ZNF324B: variants seen among roughly 807,000 people sequenced by gnomAD.
ZNF324B encodes the protein zinc finger protein 324B.
A neutral mutation model predicts 10.6 loss-of-function variants in ZNF324B; 7 were observed. The ratio of observed to expected loss-of-function variants is 0.66; its 90% CI spans 0.38 to 1.24. The LOEUF (loss-of-function observed/expected upper bound fraction) is 1.24, where lower values mean the gene tolerates loss of function less well. Among genes scored for constraint, ZNF324B ranks in the 50% most tolerant of loss-of-function variants. The pLI is 0.02. For missense variants in ZNF324B, 640 were observed against 764.7 expected, an observed-to-expected ratio of 0.84 and a Z score of 1.92; for synonymous variants, 316 against 321.0, an observed-to-expected ratio of 0.98 and a Z score of 0.17.
chr19:58,435,987 TC>T, the ZNF324B span, among the ~76,000 whole-genome samples: 3 of 152,368 alleles, frequency 2.0e-5, no homozygotes, highest in East Asian at 1.9e-4. Context: ...CTGTAGTCTT[TC>T]TATACACTGG....
the ZNF324B span, among the ~76,000 whole-genome samples, chr19:58,426,826 A>G: frequency 2.0e-5 from 3 of 152,236 alleles, no homozygotes; most frequent in Non-Finnish European, 2.9e-5. Context: ...CAGAGTGTAC[A>G]ATAACAGGGT....
upstream of ZNF324B, among the ~76,000 whole-genome samples, chr19:58,448,800 T>G (rs2052838473): frequency 6.6e-6 from 1 of 152,096 alleles, no homozygotes; most frequent in African/African-American, 2.4e-5. Context: ...AGAGGTGACT[T>G]TGATATTATT....
At chr19:58,420,246 G>A in the ZNF324B span, among the ~76,000 whole-genome samples, 121 of 152,156 alleles carry the variant, frequency 8.0e-4, 4 homozygotes, top group East Asian at 0.016. Context: ...GTGAAACCCC[G>A]TCTCTACTAA....
chr19:58,432,667 A>G, the ZNF324B span: 4 of 186,666 alleles, frequency 2.1e-5, no homozygotes, highest in African/African-American at 9.5e-5. Context: ...TCTTTCACAC[A>G]GCAATGCAAA....
chr19:58,424,960 G>A, the ZNF324B span, among the ~76,000 whole-genome samples: 1 of 152,230 alleles, frequency 6.6e-6, no homozygotes, highest in East Asian at 1.9e-4. Context: ...ATAGTCAAAA[G>A]TTAGAAACAA....
chr19:58,438,896 A>C, the ZNF324B span, among the ~76,000 whole-genome samples: 1 of 151,614 alleles, frequency 6.6e-6, no homozygotes, highest in African/African-American at 2.4e-5. Flanking sequence ...TCAGTTTCCC[A>C]AGTTGCTGGG....
At chr19:58,445,823 AAAAC>A in the ZNF324B span, 661 of 209,282 alleles carry the variant, frequency 3.2e-3, 3 homozygotes, top group African/African-American at 0.01. Flanking sequence ...TCCCTCACCA[AAAAC>A]AAACAAACAA....
the ZNF324B span, chr19:58,443,374 G>C: frequency 6.6e-6 from 1 of 152,256 alleles, no homozygotes; most frequent in Admixed American, 6.5e-5. Context: ...CAGAAGCCCA[G>C]CCGGCTTCAC....
At position 58,456,111 on chromosome 19, in the gene ZNF324B, T is replaced by C; in HGVS notation, c.1167T>C (p.Arg389=). 1.9e-6 allele frequency: 3 copies of C among 1,613,174 alleles called. No homozygotes were observed. The highest frequency in any genetic ancestry group is 2.5e-6 in the Non-Finnish European group (3 of 1,179,904). The part of the protein sequence containing the change: ...CRNSHLIQHE[R]THTGEKPFVC... ...ACTCGCACCTGATCCAGCACGAGCG[T>C]ACGCACACAGGCGAGAAGCCCTTCG... The change falls in exon 4 of 4, where the codon CGT becomes CGC. Residue 389 remains arginine, a synonymous_variant. Coordinates refer to ENST00000336614, the MANE Select transcript of ZNF324B (RefSeq NM_207395.3). The surrounding 1 kb of genome is among the most constrained non-coding windows in gnomAD (Gnocchi z 4.7).
the ZNF324B span, chr19:58,433,501 ACT>A: frequency 6.2e-7 from 1 of 1,613,770 alleles, no homozygotes; most frequent in Non-Finnish European, 8.5e-7. Context: ...TTGTGTGTGA[ACT>A]CTCTGATGAC....
the ZNF324B span, chr19:58,435,655 C>G: frequency 6.2e-6 from 1 of 160,314 alleles, no homozygotes; most frequent in East Asian, 1.9e-4. Flanking sequence ...ACACTGCAGA[C>G]AGGGATGTAA....
intron 1 of ZNF324B, among the ~76,000 whole-genome samples, chr19:58,451,950 T>C (rs970952205): frequency 2.8e-4 from 42 of 152,254 alleles, no homozygotes; most frequent in South Asian, 2.1e-3. Context: ...TCCCTCCCAG[T>C]TGCGGGTTCC....
At chr19:58,433,643 A>G in the ZNF324B span, 1 of 1,614,158 alleles carries the variant, frequency 6.2e-7, no homozygotes, top group Non-Finnish European at 8.5e-7. Context: ...CATTCACTGC[A>G]TTTATAAGGC....
intron 1 of ZNF324B, 197 bp downstream of exon 1, chr19:58,451,901 C>G (rs1280928627): frequency 3.9e-6 from 1 of 256,274 alleles, no homozygotes; most frequent in African/African-American, 2.4e-5. Context: ...CGGGAGGCTG[C>G]TGGCGGGGAT....
the ZNF324B span, chr19:58,433,132 C>T: frequency 3.1e-6 from 2 of 638,852 alleles, no homozygotes; most frequent in East Asian, 5.5e-5. Context: ...GTGACTATGG[C>T]TTCTGCCTTA....
At chr19:58,441,948 G>A in the ZNF324B span, 1 of 152,196 alleles carries the variant, frequency 6.6e-6, no homozygotes, top group Admixed American at 6.6e-5. Context: ...TTGTACTCCA[G>A]TGCCCACTAG....
the ZNF324B span, among the ~76,000 whole-genome samples, chr19:58,427,311 C>CTTTCTTTCTTTCT: frequency 1.3e-5 from 1 of 76,320 alleles, no homozygotes; most frequent in African/African-American, 9.5e-5. Context: ...TTCTTTCTTT[C>CTTTCTTTCTTTCT]TTTCTTTCTT....
chr19:58,427,460 T>TCCTG, the ZNF324B span, among the ~76,000 whole-genome samples: 7 of 90,954 alleles, frequency 7.7e-5, no homozygotes, highest in African/African-American at 3.3e-4. Context: ...TTCCCTTCCT[T>TCCTG]CCTTCCTTCC....
chr19:58,431,014 G>T, the ZNF324B span: 1 of 152,218 alleles, frequency 6.6e-6, no homozygotes, highest in Non-Finnish European at 1.5e-5. Flanking sequence ...GTGCTGGAAG[G>T]GGGTAGTTAC....
Sources: gnomAD v4.1 joint callset for allele counts (sites outside exome capture counted in the v4.1 genomes callset) on GRCh38, gnomAD v4.1.1 for gene constraint, Gnocchi (gnomAD v3.1) non-coding constraint, MANE v1.5 for transcripts, NCBI Gene and HGNC (gene_info 2026-07-23, HGNC 2026-07-21) for gene names.